CYP4Z1: variants seen among roughly 807,000 people sequenced by gnomAD.
CYP4Z1 encodes cytochrome P450 family 4 subfamily Z member 1, also known as cytochrome P450 4Z1.
In CYP4Z1, 41 loss-of-function variants were observed where a neutral mutation model predicts 54.2. That is an observed-to-expected ratio of 0.76 (90% CI 0.59 to 0.98). CYP4Z1 has a LOEUF of 0.98. CYP4Z1 is among the 50% of genes least tolerant of loss of function. The pLI, the probability that CYP4Z1 is intolerant of heterozygous loss-of-function variation, is 0.00. For synonymous variants in CYP4Z1, 163 were observed against 206.2 expected (o/e 0.79, Z 1.79); for missense variants, 513 against 599.0 (o/e 0.86, Z 1.50).
At chr1:47,105,157 T>C (rs1440051842) in intron 8 of CYP4Z1, among the ~76,000 whole-genome samples, 5 of 149,210 alleles carry the variant, frequency 3.4e-5, no homozygotes, top group Admixed American at 6.7e-5. Flanking sequence ...CTGGGGGTGA[T>C]AGGGTCACTG....
chr1:47,064,809 C>T (rs1644441410), upstream of CYP4Z1, among the ~76,000 whole-genome samples: 1 of 152,054 alleles, frequency 6.6e-6, no homozygotes, highest in South Asian at 2.1e-4. Flanking sequence ...GGAGACTCAC[C>T]TAACACATAA....
rs1265377680 is a variant in CYP4Z1, at chr1:47,067,442, C to T, written c.-49C>T. The stretch of plus-strand genomic sequence containing the variant: ...GTGTTTATGAGAGACCTGCATTCTC[C>T]CTGGCTCAGTTCTCTCAGGCTCTCC... On this transcript the variant is annotated 5_prime_UTR_variant, in exon 1 of 12. Coordinates refer to ENST00000334194, the MANE Select transcript of CYP4Z1 (RefSeq NM_178134.3). 2 of 1,501,334 alleles carry T rather than the reference C, an allele frequency of 1.3e-6. No homozygotes were observed. Among genetic ancestry groups the T allele is most frequent in the Admixed American group, 2.1e-5 (1 of 47,770 alleles). The allele number at this position is 1,501,334 out of a possible 1,614,324, so 93.0% of individuals were successfully genotyped here. A position where few individuals can be genotyped will look rare whatever the true frequency, so the allele number is the denominator to read the frequency against.
chr1:47,115,680 GATA>G (rs1644825251), intron 10 of CYP4Z1, 87 bp downstream of exon 10: 2 of 1,247,746 alleles, frequency 1.6e-6, no homozygotes, highest in South Asian at 2.6e-5. Flanking sequence ...GAGCAGTTAG[GATA>G]ACGATCTGTC....
At position 47,084,659 on chromosome 1, in the gene CYP4Z1, G is replaced by A. The variant is rs766245765; in HGVS notation, c.532G>A (p.Glu178Lys). 15 of 1,607,716 alleles carry A rather than the reference G, an allele frequency of 9.3e-6. No homozygotes were observed. Among genetic ancestry groups the A allele is most frequent in the Non-Finnish European group, 1.3e-5 (15 of 1,177,806 alleles). Residue 178 changes from glutamate to lysine, a missense_variant, in exon 5 of 12, where the codon GAG becomes AAG. Transcript: ENST00000334194. ...ACACATTGCCCAAAACTCACGTCTG[G>A]AGCTCTTTCAACATGTCTCCCTGAT... ...EEHIAQNSRL[E>K]LFQHVSLMTL...
chr1:47,068,050 G>A (rs1644463195), intron 1 of CYP4Z1, among the ~76,000 whole-genome samples: 1 of 152,162 alleles, frequency 6.6e-6, no homozygotes, highest in Non-Finnish European at 1.5e-5. Flanking sequence ...TTCTAATGAA[G>A]CTGGAAATAG....
the CYP4Z1 span, among the ~76,000 whole-genome samples, chr1:47,061,729 A>G: frequency 6.6e-6 from 1 of 152,222 alleles, no homozygotes; most frequent in Non-Finnish European, 1.5e-5. Context: ...GACACAACAA[A>G]AAAAGAAAAC....
intron 9 of CYP4Z1, among the ~76,000 whole-genome samples, chr1:47,107,053 G>A (rs1644761934): frequency 6.6e-6 from 1 of 152,084 alleles, no homozygotes. Context: ...TACCATAGTT[G>A]CCCAATAGCA....
the CYP4Z1 span, among the ~76,000 whole-genome samples, chr1:47,061,384 T>C: frequency 2.6e-5 from 4 of 151,952 alleles, no homozygotes; most frequent in African/African-American, 9.7e-5. Context: ...AAAATAACCA[T>C]CAGAAACTAC....
intron 9 of CYP4Z1, among the ~76,000 whole-genome samples, chr1:47,110,569 T>C (rs1644786225): frequency 6.6e-6 from 1 of 152,124 alleles, no homozygotes; most frequent in South Asian, 2.1e-4. Flanking sequence ...AAAAATTTTT[T>C]CATTGACCAT....
chr1:47,068,099 G>A (rs894533175), intron 1 of CYP4Z1, among the ~76,000 whole-genome samples: 3 of 152,170 alleles, frequency 2.0e-5, no homozygotes, highest in East Asian at 1.9e-4. Flanking sequence ...GTTGAAAGAT[G>A]AGCAGCAACC....
chr1:47,068,604 T>C lies in CYP4Z1; in HGVS notation c.178-18T>C, dbSNP rs758481807. 1.2e-6 allele frequency: 2 copies of C among 1,613,336 alleles called. No homozygotes were observed. The highest frequency in any genetic ancestry group is 1.7e-6 in the Non-Finnish European group (2 of 1,179,560). On this transcript the variant is annotated intron_variant, in intron 1 of 11. Transcript: ENST00000334194. ...GGTGACAACCTTTACTAACCAGTCA[T>C]GACTTATCTTATGACAGTTTTACCC...
chr1:47,098,129 T>A (rs1191875246), intron 7 of CYP4Z1, among the ~76,000 whole-genome samples: 3 of 152,212 alleles, frequency 2.0e-5, no homozygotes, highest in Non-Finnish European at 1.5e-5. Flanking sequence ...ATATGAATTT[T>A]AAAAGTTTTT....
In CYP4Z1 at chr1:47,101,529, G is replaced by A. The variant is rs138095702; in HGVS notation, c.1067+2245G>A. On this transcript the variant is annotated intron_variant, in intron 8 of 11. Transcript: ENST00000334194. ...CCCAATTGTTGTTCAGGAGAATGTT[G>A]TTGAATTTCCATGTATTTGTACAGT... Among the ~76,000 whole-genome samples the A allele has an allele frequency of 4.8e-3, 724 of 152,074 alleles. 6 individuals carry two copies. Among genetic ancestry groups the A allele is most frequent in the African/African-American group, 0.016 (681 of 41,506 alleles).
chr1:47,056,808 T>A, the CYP4Z1 span, among the ~76,000 whole-genome samples: 1 of 152,212 alleles, frequency 6.6e-6, no homozygotes, highest in South Asian at 2.1e-4. Context: ...TTTGAGCCTA[T>A]GTGTGTCTCT....
chr1:47,107,135 C>A (rs1159018058), intron 9 of CYP4Z1, among the ~76,000 whole-genome samples: 2 of 152,188 alleles, frequency 1.3e-5, no homozygotes, highest in African/African-American at 2.4e-5. Context: ...TTAGTACTTA[C>A]TAGGGACTAA....
At chr1:47,084,592 T>C in intron 4 of CYP4Z1, 28 bp from the exon 5 acceptor site, 2 of 1,535,648 alleles carry the variant, frequency 1.3e-6, no homozygotes, top group Non-Finnish European at 1.8e-6. Context: ...GGCATGTGTA[T>C]GATCATGATA....
At chr1:47,099,990 A>G (rs4598535) in intron 8 of CYP4Z1, among the ~76,000 whole-genome samples, 6 of 151,168 alleles carry the variant, frequency 4.0e-5, no homozygotes, top group African/African-American at 9.7e-5. Context: ...AACCCCTTCT[A>G]TTTCTCCAAG....
At chr1:47,107,734 T>A (rs1325728168) in intron 9 of CYP4Z1, among the ~76,000 whole-genome samples, 1 of 152,138 alleles carries the variant, frequency 6.6e-6, no homozygotes. Flanking sequence ...AGCCCTGTAA[T>A]CCACAGAATC....
In CYP4Z1 at chr1:47,084,600, A is replaced by T. The variant is rs183578965; in HGVS notation, c.493-20A>T. 17,452 of 1,539,796 alleles carry T rather than the reference A, an allele frequency of 0.011. 1,282 individuals are homozygous for T. In the African/African-American group the frequency reaches 0.17, roughly 15 times the overall value. ...AAAGATGGGCATGTGTATGATCATG[A>T]TATTCATCCCCTGCCCCAGAACAAA... On this transcript the variant is annotated intron_variant, in intron 4 of 11. Transcript: ENST00000334194.
Sources: allele counts gnomAD v4.1 joint callset (sites outside exome capture counted in the v4.1 genomes callset), GRCh38; gene constraint gnomAD v4.1.1; transcripts MANE v1.5; gene names NCBI Gene and HGNC (gene_info 2026-07-23, HGNC 2026-07-21).